Variants in RGS7 observed in about 807,000 individuals in gnomAD.
RGS7 encodes the protein regulator of G protein signaling 7.
A neutral mutation model predicts 81.1 loss-of-function variants in RGS7; 27 were observed. The observed-to-expected ratio is 0.33, with a 90% CI of 0.25 to 0.46. The LOEUF (loss-of-function observed/expected upper bound fraction) is 0.46, where lower values mean the gene tolerates loss of function less well. Among genes scored for constraint, RGS7 ranks in the 20% least tolerant of loss-of-function variants. The probability of loss-of-function intolerance (pLI) is 1.00; values close to 1 mark genes in which losing one functional copy is unlikely to be tolerated. For synonymous variants in RGS7, 208 were observed against 207.7 expected, an observed-to-expected ratio of 1.00 and a Z score of -0.01; for missense variants, 396 against 607.4, an observed-to-expected ratio of 0.65 and a Z score of 3.66.
chr1:240,780,812 G>GCC (rs1009817716), intron 18 of RGS7, among the ~76,000 whole-genome samples: 12 of 151,432 alleles, frequency 7.9e-5, no homozygotes, highest in African/African-American at 2.9e-4. Context: ...TACTAAGGAG[G>GCC]CCGAGGCAGG....
At chr1:240,819,631 G>A (rs1047017900) in intron 10 of RGS7, among the ~76,000 whole-genome samples, 6 of 152,156 alleles carry the variant, frequency 3.9e-5, no homozygotes, top group African/African-American at 9.7e-5. Context: ...CCAGCTACTT[G>A]GGAGGCTGAG....
At chr1:240,798,364 C>G (rs976429873) in intron 18 of RGS7, among the ~76,000 whole-genome samples, 5 of 152,124 alleles carry the variant, frequency 3.3e-5, no homozygotes, top group African/African-American at 4.8e-5. Context: ...ACAAAAACAA[C>G]AATGCCATTT....
chr1:241,003,121 A>G (rs997066438), intron 3 of RGS7, among the ~76,000 whole-genome samples: 2 of 152,204 alleles, frequency 1.3e-5, no homozygotes, highest in African/African-American at 2.4e-5. Context: ...ACTCACACAC[A>G]TACACAAAGA....
At chr1:240,933,143 A>C (rs1443596855) in intron 5 of RGS7, among the ~76,000 whole-genome samples, 2 of 151,136 alleles carry the variant, frequency 1.3e-5, no homozygotes, top group African/African-American at 4.9e-5. Flanking sequence ...CGGCCCCACA[A>C]AGTGCTGGGA....
intron 9 of RGS7, 28 bp from the exon 10 acceptor site, chr1:240,827,200 T>G: frequency 6.4e-7 from 1 of 1,569,162 alleles, no homozygotes; most frequent in Non-Finnish European, 8.8e-7. Flanking sequence ...GAGAGACAAA[T>G]GAATCTTTGG....
chr1:240,913,531 C>T (rs1381655505), intron 6 of RGS7, among the ~76,000 whole-genome samples: 1 of 152,170 alleles, frequency 6.6e-6, no homozygotes, highest in African/African-American at 2.4e-5. Flanking sequence ...AATAATCTTA[C>T]ACAATGAGTT....
At chr1:241,299,218 GT>G (rs1418225631) in intron 2 of RGS7, among the ~76,000 whole-genome samples, 1 of 152,112 alleles carries the variant, frequency 6.6e-6, no homozygotes, top group Admixed American at 6.5e-5. Flanking sequence ...AAACTTTCAA[GT>G]TTCCCTTTCT....
rs1339883597 is a variant in RGS7 at position 241,295,243 on chromosome 1, T to C, written c.78+60456A>G. Among the ~76,000 whole-genome samples the C allele has an allele frequency of 2.6e-5, 4 of 151,568 alleles. No homozygotes were observed. The East Asian group carries it at 7.8e-4, about 30-fold the overall frequency. The stretch of plus-strand genomic sequence containing the variant: ...GCGGGCGGATCACAAGGTCAGGAGT[T>C]CAAGACCAGCCTGACGAACATGATG... On this transcript the variant is annotated intron_variant, in intron 2 of 18. Transcript: ENST00000440928.
intron 3 of RGS7, among the ~76,000 whole-genome samples, chr1:241,029,509 C>G (rs1490362967): frequency 2.0e-5 from 3 of 152,122 alleles, no homozygotes; most frequent in African/African-American, 4.8e-5. Context: ...GCCCTTTGAG[C>G]AGAATATTCT....
intron 4 of RGS7, among the ~76,000 whole-genome samples, chr1:240,960,430 C>G (rs2927550): frequency 0.96 from 144,338 of 150,540 alleles, 69,471 homozygotes; most frequent in East Asian, 1. Context: ...TTTTTGTAGA[C>G]ATAGGGTTTC....
At chr1:240,819,169 ACT>A (rs1436457783) in intron 10 of RGS7, among the ~76,000 whole-genome samples, 1 of 152,138 alleles carries the variant, frequency 6.6e-6, no homozygotes, top group Non-Finnish European at 1.5e-5. Context: ...AAATAAAAAG[ACT>A]CTGAGACTTG....
intron 2 of RGS7, among the ~76,000 whole-genome samples, chr1:241,240,624 T>C (rs1281888766): frequency 1.3e-5 from 2 of 152,200 alleles, no homozygotes; most frequent in African/African-American, 2.4e-5. Flanking sequence ...TGTGTGCATA[T>C]ACTTCATCAT....
chr1:240,859,307 T>C (rs1661720833), intron 9 of RGS7, among the ~76,000 whole-genome samples: 2 of 152,126 alleles, frequency 1.3e-5, no homozygotes, highest in African/African-American at 4.8e-5. Flanking sequence ...GCCTAATTTC[T>C]TTAATTGAAT....
chr1:241,310,436 TGTGTGTGTGA>T (rs1426833460), intron 2 of RGS7, among the ~76,000 whole-genome samples: 1 of 117,756 alleles, frequency 8.5e-6, no homozygotes, highest in African/African-American at 2.6e-5. Flanking sequence ...TATGTGTGTC[TGTGTGTGTGA>T]GTGTGTGTGT....
intron 4 of RGS7, among the ~76,000 whole-genome samples, chr1:240,972,578 G>A (rs1683389933): frequency 1.4e-5 from 2 of 138,436 alleles, no homozygotes; most frequent in South Asian, 5.1e-4. Flanking sequence ...GATAGCATTG[G>A]GAGATATACC....
chr1:241,314,227 G>A (rs575875453), intron 2 of RGS7, among the ~76,000 whole-genome samples: 8 of 152,252 alleles, frequency 5.3e-5, no homozygotes, highest in South Asian at 2.1e-4. Flanking sequence ...GAAATCTTTC[G>A]TGAAAGAAAG....
chr1:240,964,392 T>C (rs1572025057), intron 4 of RGS7, among the ~76,000 whole-genome samples: 1 of 152,022 alleles, frequency 6.6e-6, no homozygotes, highest in Non-Finnish European at 1.5e-5. Flanking sequence ...ATTTATAGGA[T>C]TGAGTGACTT....
intron 2 of RGS7, among the ~76,000 whole-genome samples, chr1:241,320,978 T>TA (rs1255985956): frequency 6.6e-6 from 1 of 152,192 alleles, no homozygotes; most frequent in African/African-American, 2.4e-5. Context: ...AGAATGGGCA[T>TA]AAAAAATAAC....
chr1:240,902,692 T>C (rs1295257871), intron 6 of RGS7, among the ~76,000 whole-genome samples: 1 of 152,204 alleles, frequency 6.6e-6, no homozygotes, highest in Non-Finnish European at 1.5e-5. Flanking sequence ...AGATTACTGG[T>C]TTGTTTACAA....
Sources: allele counts gnomAD v4.1 joint callset (sites outside exome capture counted in the v4.1 genomes callset), GRCh38; gene constraint gnomAD v4.1.1; transcripts MANE v1.5; gene names NCBI Gene and HGNC (gene_info 2026-07-23, HGNC 2026-07-21).